Variants in PSMB2 observed in about 807,000 individuals in gnomAD.
PSMB2 encodes the protein proteasome 20S subunit beta 2, also known as proteasome subunit beta type-2.
In PSMB2, 13 loss-of-function variants were observed where a neutral mutation model predicts 25.7. That is an observed-to-expected ratio of 0.51 (90% CI 0.33 to 0.80). The LOEUF (loss-of-function observed/expected upper bound fraction) is 0.80, where lower values mean the gene tolerates loss of function less well. Among genes scored for constraint, PSMB2 ranks in the 30% least tolerant of loss-of-function variants. PSMB2 has a pLI of 0.02. For missense variants in PSMB2, 202 were observed against 259.0 expected, an observed-to-expected ratio of 0.78 and a Z score of 1.51; for synonymous variants, 87 against 96.2, an observed-to-expected ratio of 0.90 and a Z score of 0.56.
chr1:35,601,538 G>A lies in PSMB2; in HGVS notation c.*1729C>T, dbSNP rs1650000790. ...GATTAGCTTTCTTCTTATGGTGTAAGGCATTTATCATTGGCGTATTAAATA... is the reference window on the plus strand; with the variant it reads ...GATTAGCTTTCTTCTTATGGTGTAAAGCATTTATCATTGGCGTATTAAATA... On this transcript the variant is annotated 3_prime_UTR_variant, in exon 6 of 6. Transcript: ENST00000373237. 1 of 985,154 alleles carries A rather than the reference G, an allele frequency of 1.0e-6. No individual in the cohort carries two copies. Among genetic ancestry groups the A allele is most frequent in the Non-Finnish European group, 1.2e-6 (1 of 829,894 alleles). 61.0% of individuals were successfully genotyped at this position (985,154 alleles called of 1,614,324 possible).
At chr1:35,614,162 A>G (rs1650419393) in intron 3 of PSMB2, among the ~76,000 whole-genome samples, 1 of 152,172 alleles carries the variant, frequency 6.6e-6, no homozygotes, top group Non-Finnish European at 1.5e-5. Context: ...TTTGTACTAG[A>G]CACGTAGAGC....
chr1:35,621,523 CAG>C (rs1650681291), intron 3 of PSMB2, among the ~76,000 whole-genome samples: 1 of 152,202 alleles, frequency 6.6e-6, no homozygotes, highest in African/African-American at 2.4e-5. Context: ...TACAAAGACT[CAG>C]AGACTATTAT....
At position 35,601,994 on chromosome 1, in the gene PSMB2, A is replaced by G. The variant is rs1227928597; in HGVS notation, c.*1273T>C. On this transcript the variant is annotated 3_prime_UTR_variant, in exon 6 of 6. Transcript: ENST00000373237. ...TATCTATATGTATTGATATAAAACA[A>G]TCTCTAATATAGTGTTAAGTGAAAT... is the stretch of plus-strand genomic sequence containing the variant. The G allele has an allele frequency of 1.1e-5, 9 of 837,962 alleles. No homozygotes were observed. The highest frequency in any genetic ancestry group is 1.3e-5 in the Non-Finnish European group (9 of 695,796). The allele number at this position is 837,962 out of a possible 1,614,324, so 51.9% of individuals were successfully genotyped here. A position where few individuals can be genotyped will look rare whatever the true frequency, so the allele number is the denominator to read the frequency against.
At chr1:35,634,259 T>C (rs1651182605) in intron 2 of PSMB2, among the ~76,000 whole-genome samples, 1 of 152,268 alleles carries the variant, frequency 6.6e-6, no homozygotes, top group African/African-American at 2.4e-5. Flanking sequence ...TATTCATTAG[T>C]ATTATAATTC....
intron 2 of PSMB2, among the ~76,000 whole-genome samples, chr1:35,633,144 C>T (rs1183893847): frequency 6.6e-6 from 1 of 151,584 alleles, no homozygotes; most frequent in Non-Finnish European, 1.5e-5. Flanking sequence ...TCACTTGCAC[C>T]CAGGAGCTGG....
Position 35,634,362 on chromosome 1 carries a change from G to A in PSMB2, c.214+1948C>T, listed in dbSNP as rs115669809. Among the ~76,000 whole-genome samples, 802 of 149,546 alleles carry A rather than the reference G, an allele frequency of 5.4e-3. 3 individuals are homozygous for A. Among genetic ancestry groups the A allele is most frequent in the African/African-American group, 0.018 (732 of 40,726 alleles). On this transcript the variant is annotated intron_variant, in intron 2 of 5. Coordinates refer to ENST00000373237, the MANE Select transcript of PSMB2 (RefSeq NM_002794.5). The stretch of plus-strand genomic sequence containing the variant: ...CCAAGGTTTACTTAGGTTTTTTGAC[G>A]CTGAGATTCAGATTTTTTTGTTTCT...
At chr1:35,630,005 G>A (rs765610621) in intron 3 of PSMB2, among the ~76,000 whole-genome samples, 11 of 151,656 alleles carry the variant, frequency 7.3e-5, no homozygotes, top group South Asian at 4.2e-4. Flanking sequence ...GAGAAACCCC[G>A]TGTCTGCTAA....
chr1:35,601,652 TCA>T lies in PSMB2; in HGVS notation c.*1613_*1614del, dbSNP rs1650005256. The T allele has an allele frequency of 2.0e-6, 2 of 985,062 alleles. No homozygotes were observed. Among genetic ancestry groups the T allele is most frequent in the South Asian group, 9.4e-5 (2 of 21,276 alleles). 61.0% of individuals were successfully genotyped at this position (985,062 alleles called of 1,614,324 possible). On this transcript the variant is annotated 3_prime_UTR_variant, in exon 6 of 6. Transcript: ENST00000373237. ...GTAGTATCTTAGATGATACATTTAA[TCA>T]CAGACAAAACAAAAACCTATCTGTA... is the stretch of plus-strand genomic sequence containing the variant.
chr1:35,620,017 G>C (rs1401868572), intron 3 of PSMB2, among the ~76,000 whole-genome samples: 1 of 152,048 alleles, frequency 6.6e-6, no homozygotes, highest in East Asian at 1.9e-4. Flanking sequence ...ATACCGTTAA[G>C]TCAGTTTTTA....
chr1:35,618,764 T>G (rs1650580252), intron 3 of PSMB2, among the ~76,000 whole-genome samples: 1 of 152,172 alleles, frequency 6.6e-6, no homozygotes, highest in Non-Finnish European at 1.5e-5. Context: ...TGAAAACAAT[T>G]TTCTCTTAAT....
chr1:35,604,494 G>A (rs1222255881), intron 5 of PSMB2, among the ~76,000 whole-genome samples: 2 of 152,084 alleles, frequency 1.3e-5, no homozygotes, highest in African/African-American at 4.8e-5. Flanking sequence ...AAAGTCTAGG[G>A]CAGGGATGGG....
intron 2 of PSMB2, among the ~76,000 whole-genome samples, chr1:35,635,208 G>A (rs542279204): frequency 3.4e-4 from 51 of 151,298 alleles, no homozygotes; most frequent in African/African-American, 9.0e-4. Flanking sequence ...GCGGTGAGCC[G>A]AGATTGTGCC....
Position 35,602,784 on chromosome 1 carries a change from C to A in PSMB2, c.*483G>T, listed in dbSNP as rs1055381340. 9.6e-6 allele frequency: 6 copies of A among 624,342 alleles called. No homozygotes were observed. The highest frequency in any genetic ancestry group is 1.2e-5 in the Non-Finnish European group (6 of 499,854). 38.7% of individuals were successfully genotyped at this position (624,342 alleles called of 1,614,324 possible). A position where few individuals can be genotyped will look rare whatever the true frequency, so the allele number is the denominator to read the frequency against. On this transcript the variant is annotated 3_prime_UTR_variant, in exon 6 of 6. Coordinates refer to ENST00000373237, the MANE Select transcript of PSMB2 (RefSeq NM_002794.5). ...GTGCTGGGATTACAGGTATGAGCCA[C>A]CACACCCAGCTCTGGAAGAAATATT...
chr1:35,627,510 A>G (rs1429048192), intron 3 of PSMB2, among the ~76,000 whole-genome samples: 3 of 151,950 alleles, frequency 2.0e-5, no homozygotes, highest in Non-Finnish European at 4.4e-5. Flanking sequence ...AGCCAGGCAT[A>G]GTGGTATGCA....
rs78502684 is a variant in PSMB2 at position 35,619,574 on chromosome 1, C to T, written c.286-10166G>A. Among the ~76,000 whole-genome samples, 6 of 152,100 alleles carry T rather than the reference C, an allele frequency of 3.9e-5. No individual in the cohort carries two copies. The East Asian group carries it at 1.2e-3, about 29-fold the overall frequency. On this transcript the variant is annotated intron_variant, in intron 3 of 5. Transcript: ENST00000373237. Reference sequence around the variant, plus strand: ...GAAGACTTGCTAAGTAGTAGGTGCCCAATAAATGTGAATTTTACAACCAAA... The same window carrying T: ...GAAGACTTGCTAAGTAGTAGGTGCCTAATAAATGTGAATTTTACAACCAAA...
chr1:35,630,156 C>T (rs1212755444), intron 3 of PSMB2, among the ~76,000 whole-genome samples: 1 of 152,114 alleles, frequency 6.6e-6, no homozygotes, highest in Non-Finnish European at 1.5e-5. Flanking sequence ...GTTTGGGCAA[C>T]AAGAGTGAAA....
chr1:35,605,083 C>T (rs1283185930), intron 5 of PSMB2, 150 bp downstream of exon 5: 1 of 684,948 alleles, frequency 1.5e-6, no homozygotes, highest in African/African-American at 1.8e-5. Flanking sequence ...CCACACCAAA[C>T]TCTATCCCTG....
At chr1:35,632,107 T>C (rs1651122737) in intron 2 of PSMB2, among the ~76,000 whole-genome samples, 1 of 151,820 alleles carries the variant, frequency 6.6e-6, no homozygotes, top group Non-Finnish European at 1.5e-5. Context: ...ATTAAAAAAA[T>C]ATTTTAAATG....
Position 35,621,826 on chromosome 1 carries a change from T to A in PSMB2, c.285+9448A>T, listed in dbSNP as rs767382044. On this transcript the variant is annotated intron_variant, in intron 3 of 5. Coordinates refer to ENST00000373237, the MANE Select transcript of PSMB2 (RefSeq NM_002794.5). ...GCCTGGCCAACACAGTGAAACCCCA[T>A]CTCTACTAAAAATACAAAAATTAGC... Among the ~76,000 whole-genome samples, 67 of 152,132 alleles carry A rather than the reference T, an allele frequency of 4.4e-4. 1 individual carries two copies. The highest frequency in any genetic ancestry group is 3.4e-3 in the Middle Eastern group (1 of 294).
Sources: gnomAD v4.1 joint callset for allele counts (sites outside exome capture counted in the v4.1 genomes callset) on GRCh38, gnomAD v4.1.1 for gene constraint, MANE v1.5 for transcripts, NCBI Gene and HGNC (gene_info 2026-07-23, HGNC 2026-07-21) for gene names.